NEGR1: variants seen among roughly 807,000 people sequenced by gnomAD.
The protein encoded by NEGR1 is IgLON family member 4.
A neutral mutation model predicts 40.9 loss-of-function variants in NEGR1; 10 were observed. That is an observed-to-expected ratio of 0.24 (90% CI 0.15 to 0.42). NEGR1 has a LOEUF of 0.42. Ranked by LOEUF, NEGR1 falls within the 10% of genes least tolerant of loss-of-function variation. The probability of loss-of-function intolerance (pLI) is 1.00; values close to 1 mark genes in which losing one functional copy is unlikely to be tolerated. For missense variants in NEGR1, 352 were observed against 438.9 expected (o/e 0.80, Z 1.77); for synonymous variants, 185 against 166.8 (o/e 1.11, Z -0.84).
At chr1:71,821,488 C>T (rs920202866) in intron 2 of NEGR1, among the ~76,000 whole-genome samples, 2 of 151,924 alleles carry the variant, frequency 1.3e-5, no homozygotes, top group Non-Finnish European at 2.9e-5. Context: ...TCATTTAATA[C>T]TTAGAAATGT....
At chr1:72,076,054 T>G (rs1021083560) in intron 1 of NEGR1, among the ~76,000 whole-genome samples, 4 of 152,320 alleles carry the variant, frequency 2.6e-5, no homozygotes, top group Admixed American at 2.0e-4. Context: ...CAGAAGCTGT[T>G]TATAAATATC....
intron 1 of NEGR1, among the ~76,000 whole-genome samples, chr1:72,026,966 C>T (rs955984493): frequency 6.6e-5 from 10 of 151,926 alleles, no homozygotes; most frequent in Non-Finnish European, 1.0e-4. Flanking sequence ...TGCTCTGTCG[C>T]CCAGGCTGGA....
chr1:71,685,914 G>C (rs987612872), intron 4 of NEGR1, among the ~76,000 whole-genome samples: 5 of 151,698 alleles, frequency 3.3e-5, no homozygotes, highest in African/African-American at 1.2e-4. Flanking sequence ...ACGGAGCTTA[G>C]CTGGTTTCAA....
At chr1:71,656,868 AT>A (rs200359226) in intron 4 of NEGR1, among the ~76,000 whole-genome samples, 5,534 of 152,272 alleles carry the variant, frequency 0.036, 124 homozygotes, top group African/African-American at 0.071. Context: ...GCTCTGGGAT[AT>A]TTTGATTTCG....
intron 6 of NEGR1, among the ~76,000 whole-genome samples, chr1:71,523,078 T>G (rs921532734): frequency 2.0e-5 from 3 of 151,940 alleles, no homozygotes; most frequent in Non-Finnish European, 4.4e-5. Flanking sequence ...TTGGTTCACC[T>G]CAGGAAGAAA....
At chr1:71,781,218 C>T (rs955477175) in intron 2 of NEGR1, among the ~76,000 whole-genome samples, 3 of 152,068 alleles carry the variant, frequency 2.0e-5, no homozygotes, top group Non-Finnish European at 2.9e-5. Flanking sequence ...CTGGATATCA[C>T]AGGAGTCATA....
At chr1:72,203,717 A>T (rs959190105) in intron 1 of NEGR1, among the ~76,000 whole-genome samples, 22 of 152,090 alleles carry the variant, frequency 1.4e-4, no homozygotes, top group Non-Finnish European at 2.9e-4. Context: ...GAATCAATTA[A>T]TGTGTCAAAC....
intron 1 of NEGR1, among the ~76,000 whole-genome samples, chr1:72,244,648 T>C (rs1191812830): frequency 6.6e-6 from 1 of 151,982 alleles, no homozygotes; most frequent in Non-Finnish European, 1.5e-5. Flanking sequence ...TACTACACCA[T>C]TGTTCCCCGG....
In NEGR1 at chr1:72,145,858, T is replaced by A. The variant is rs541659456; in HGVS notation, c.176+136461A>T. Among the ~76,000 whole-genome samples, 39 of 152,292 alleles carry A rather than the reference T, an allele frequency of 2.6e-4. 1 individual carries two copies. The South Asian group carries it at 7.0e-3, about 27-fold the overall frequency. The stretch of plus-strand genomic sequence containing the variant: ...TTTTTCTTGGTGATTGACACTCCAA[T>A]TAGGGCTTCTTTTTACTAACTCCAT... On this transcript the variant is annotated intron_variant, in intron 1 of 6. Coordinates refer to ENST00000357731, the MANE Select transcript of NEGR1 (RefSeq NM_173808.3).
At chr1:71,611,818 A>T (rs1222045637) in intron 4 of NEGR1, among the ~76,000 whole-genome samples, 2 of 152,200 alleles carry the variant, frequency 1.3e-5, no homozygotes, top group African/African-American at 2.4e-5. Flanking sequence ...GATCCATATT[A>T]GGCATCAGTG....
At chr1:71,536,870 C>T (rs1420724697) in intron 6 of NEGR1, among the ~76,000 whole-genome samples, 1 of 151,694 alleles carries the variant, frequency 6.6e-6, no homozygotes, top group Non-Finnish European at 1.5e-5. Flanking sequence ...AATGATCCCA[C>T]TGACTTAATA....
intron 4 of NEGR1, among the ~76,000 whole-genome samples, chr1:71,640,163 T>C (rs1210876726): frequency 2.0e-5 from 3 of 152,068 alleles, no homozygotes; most frequent in Non-Finnish European, 2.9e-5. Flanking sequence ...GGTTATCCTG[T>C]GCAGGAACAA....
At chr1:71,566,011 G>A (rs1458356460) in intron 6 of NEGR1, among the ~76,000 whole-genome samples, 5 of 152,102 alleles carry the variant, frequency 3.3e-5, no homozygotes, top group South Asian at 2.1e-4. Flanking sequence ...GTTGCCACGA[G>A]CCAAGGGACA....
chr1:72,225,848 C>T (rs1269587799), intron 1 of NEGR1, among the ~76,000 whole-genome samples: 2 of 151,516 alleles, frequency 1.3e-5, no homozygotes, highest in South Asian at 2.1e-4. Flanking sequence ...ATCACAATTA[C>T]GTTTGGTACA....
At chr1:71,437,057 A>G (rs1646514551) in intron 6 of NEGR1, among the ~76,000 whole-genome samples, 1 of 152,156 alleles carries the variant, frequency 6.6e-6, no homozygotes, top group African/African-American at 2.4e-5. Context: ...AGCTATAATC[A>G]TAACCCTAAA....
At chr1:71,969,101 A>T (rs546217145) in intron 1 of NEGR1, among the ~76,000 whole-genome samples, 2 of 151,106 alleles carry the variant, frequency 1.3e-5, no homozygotes, top group Non-Finnish European at 3.0e-5. Flanking sequence ...TGCAACCTCT[A>T]CCTCCCAGGT....
intron 2 of NEGR1, among the ~76,000 whole-genome samples, chr1:71,802,833 C>T (rs914905211): frequency 6.6e-6 from 1 of 152,108 alleles, no homozygotes; most frequent in African/African-American, 2.4e-5. Flanking sequence ...AGTCTTGTTT[C>T]ACAGGTTCAT....
chr1:71,438,131 C>G (rs946319798), intron 6 of NEGR1, among the ~76,000 whole-genome samples: 1 of 152,146 alleles, frequency 6.6e-6, no homozygotes, highest in African/African-American at 2.4e-5. Context: ...TTCATGTAAA[C>G]TGTTTGGATG....
At chr1:71,423,947 G>T (rs1220840910) in intron 6 of NEGR1, among the ~76,000 whole-genome samples, 2 of 151,546 alleles carry the variant, frequency 1.3e-5, no homozygotes, top group Admixed American at 1.3e-4. Context: ...TATAGGAGGG[G>T]TTATTAATAT....
Sources: allele counts gnomAD v4.1 joint callset (sites outside exome capture counted in the v4.1 genomes callset), GRCh38; gene constraint gnomAD v4.1.1; transcripts MANE v1.5; gene names NCBI Gene and HGNC (gene_info 2026-07-23, HGNC 2026-07-21).